GLIPR1: variants seen among roughly 807,000 people sequenced by gnomAD.
GLIPR1 encodes the protein GLI pathogenesis related 1.
A neutral mutation model predicts 30.3 loss-of-function variants in GLIPR1; 38 were observed. The observed-to-expected ratio is 1.26, with a 90% confidence interval of 0.97 to 1.65. The LOEUF is 1.65. GLIPR1 is among the 40% of genes most tolerant of loss of function. The pLI is 0.00. For synonymous variants in GLIPR1, 122 were observed against 110.6 expected (o/e 1.10, Z -0.65); for missense variants, 285 against 326.5 (o/e 0.87, Z 0.98).
At chr12:75,487,067 G>T (rs972062807) in intron 2 of GLIPR1, among the ~76,000 whole-genome samples, 1 of 152,172 alleles carries the variant, frequency 6.6e-6, no homozygotes, top group Admixed American at 6.5e-5. Flanking sequence ...TTAAAATGGG[G>T]AAGGGATCCA....
In GLIPR1 at chr12:75,502,094, G is replaced by A; in HGVS notation, c.*3116G>A. On this transcript the variant is annotated 3_prime_UTR_variant, in exon 6 of 6. Transcript: ENST00000266659. The stretch of plus-strand genomic sequence containing the variant: ...ACAATATCCTTAGGGTAAAAACAAT[G>A]GGGTCAAACTGATTTATTAATAAAA... 6.3e-6 allele frequency: 6 copies of A among 946,736 alleles called. No individual in the cohort carries two copies. Among genetic ancestry groups the A allele is most frequent in the Non-Finnish European group, 1.0e-5 (6 of 596,922 alleles). The allele number at this position is 946,736 out of a possible 1,614,324, so 58.6% of individuals were successfully genotyped here.
intron 2 of GLIPR1, among the ~76,000 whole-genome samples, chr12:75,490,199 A>T (rs934949635): frequency 7.4e-5 from 4 of 54,406 alleles, no homozygotes; most frequent in African/African-American, 2.6e-4. Context: ...CTTATTTCAC[A>T]CACACACACA....
In GLIPR1 at chr12:75,487,278, G is replaced by C. The variant is rs562794656; in HGVS notation, c.421-3128G>C. On this transcript the variant is annotated intron_variant, in intron 2 of 5. Coordinates refer to ENST00000266659, the MANE Select transcript of GLIPR1 (RefSeq NM_006851.3). Reference sequence around the variant, plus strand: ...AGTGACTGGCATTCAGTAGGTCTGGGACAGGCCCAAGATCATTTTAAACAA... The same window carrying C: ...AGTGACTGGCATTCAGTAGGTCTGGCACAGGCCCAAGATCATTTTAAACAA... 2.2e-4 allele frequency among the ~76,000 whole-genome samples: 33 copies of C among 152,320 alleles called. No homozygotes were observed. The East Asian group carries it at 5.8e-3, about 27-fold the overall frequency.
chr12:75,490,551 C>CGGGGGGGGGGGGGGGGGGGGGGGGG, intron 3 of GLIPR1, 33 bp downstream of exon 3: 1 of 117,276 alleles, frequency 8.5e-6, no homozygotes, highest in East Asian at 1.6e-4. Context: ...TTATAGGAAA[C>CGGGGGGGGGGGGGGGGGGGGGGGGG]GCCCCCCCCC....
chr12:75,500,243 T>G lies in GLIPR1; in HGVS notation c.*1265T>G, dbSNP rs193205310. ...GAACCAATTACTGGATTCAACTATA[T>G]TAAGACTATTTCCTTAAATCCTACT... is the stretch of plus-strand genomic sequence containing the variant. On this transcript the variant is annotated 3_prime_UTR_variant, in exon 6 of 6. Transcript: ENST00000266659. 4.1e-4 allele frequency: 76 copies of G among 185,568 alleles called. No homozygotes were observed. The Middle Eastern group carries it at 0.011, about 26-fold the overall frequency. The allele number at this position is 185,568 out of a possible 1,614,324, so 11.5% of individuals were successfully genotyped here.
intron 3 of GLIPR1, 74 bp downstream of exon 3, chr12:75,490,592 AC>A (rs2046318308): frequency 9.2e-6 from 5 of 541,258 alleles, no homozygotes; most frequent in South Asian, 4.0e-5. Context: ...ACAAAAAAAA[AC>A]ATTTTAGCAG....
chr12:75,502,376 C>G lies in GLIPR1; in HGVS notation c.*3398C>G. 6.2e-6 allele frequency: 1 copy of G among 162,452 alleles called. No homozygotes were observed. The highest frequency in any genetic ancestry group is 1.3e-5 in the Non-Finnish European group (1 of 75,044). The allele number at this position is 162,452 out of a possible 1,614,324, so 10.1% of individuals were successfully genotyped here. ...TAGGTTTCTGAGAAGACTGTAAAGA[C>G]CAAAGAATAATTTTAATGGAGAGGA... is the stretch of plus-strand genomic sequence containing the variant. On this transcript the variant is annotated 3_prime_UTR_variant, in exon 6 of 6. Coordinates refer to ENST00000266659, the MANE Select transcript of GLIPR1 (RefSeq NM_006851.3).
chr12:75,482,028 C>T lies in GLIPR1; in HGVS notation c.369C>T (p.Asp123=), dbSNP rs2046273723. 6.2e-7 allele frequency: 1 copy of T among 1,613,940 alleles called. No individual in the cohort carries two copies. The highest frequency in any genetic ancestry group is 8.5e-7 in the Non-Finnish European group (1 of 1,179,842). ...AITNWYDEIQ[D]YDFKTRICKK... ...CAAACTGGTATGACGAAATCCAGGACTATGACTTCAAGACTCGGATATGCA... is the reference window on the plus strand; with the variant it reads ...CAAACTGGTATGACGAAATCCAGGATTATGACTTCAAGACTCGGATATGCA... The change falls in exon 2 of 6, where the codon GAC becomes GAT. Residue 123 remains aspartate, a synonymous_variant. Transcript: ENST00000266659.
rs1414604915 is a variant in GLIPR1 at position 75,487,824 on chromosome 12, T to C, written c.421-2582T>C. The C allele has an allele frequency of 1.1e-5, 5 of 455,878 alleles. No homozygotes were observed. In the East Asian group the frequency reaches 3.5e-4, roughly 32 times the overall value. The allele number at this position is 455,878 out of a possible 1,614,324, so 28.2% of individuals were successfully genotyped here. Reference sequence around the variant, plus strand: ...GAAAATCCAGGGTGAGTCCGTAAAGTGAAGGCAAGTTTATTAAGAAAGAAA... The same window carrying C: ...GAAAATCCAGGGTGAGTCCGTAAAGCGAAGGCAAGTTTATTAAGAAAGAAA... On this transcript the variant is annotated intron_variant, in intron 2 of 5. Transcript: ENST00000266659.
chr12:75,493,670 G>A (rs2046335295), intron 3 of GLIPR1: 1 of 152,052 alleles, frequency 6.6e-6, no homozygotes, highest in African/African-American at 2.4e-5. Context: ...TCTTCCCCTG[G>A]GTCCCATAAC....
intron 3 of GLIPR1, chr12:75,494,446 C>G (rs73356182): frequency 1.8e-4 from 27 of 152,256 alleles, no homozygotes; most frequent in African/African-American, 5.5e-4. Context: ...GCAGAGAACT[C>G]AAAATATAGT....
intron 2 of GLIPR1, chr12:75,489,722 G>C (rs991972514): frequency 6.6e-6 from 1 of 152,216 alleles, no homozygotes; most frequent in African/African-American, 2.4e-5. Flanking sequence ...CATCACCCAC[G>C]TGTGAGTCAC....
Position 75,501,644 on chromosome 12 carries a change from C to A in GLIPR1, c.*2666C>A. On this transcript the variant is annotated 3_prime_UTR_variant, in exon 6 of 6. Transcript: ENST00000266659. Reference sequence around the variant, plus strand: ...AACTGATGAAAAGATACAACTGTTTCTTAAAAAGATTCAGACAAATTTATT... The same window carrying A: ...AACTGATGAAAAGATACAACTGTTTATTAAAAAGATTCAGACAAATTTATT... 1.1e-6 allele frequency: 1 copy of A among 923,400 alleles called. No individual in the cohort carries two copies. The allele number at this position is 923,400 out of a possible 1,614,324, so 57.2% of individuals were successfully genotyped here.
rs2046318225 is a variant in GLIPR1, at chr12:75,490,591, A to C, written c.533+73A>C. On this transcript the variant is annotated intron_variant, in intron 3 of 5. Coordinates refer to ENST00000266659, the MANE Select transcript of GLIPR1 (RefSeq NM_006851.3). Reference sequence around the variant, plus strand: ...GCAAAAAAAAACAACAACAAAAAAAAACATTTTAGCAGTATTCCTCTTCAT... The same window carrying C: ...GCAAAAAAAAACAACAACAAAAAAACACATTTTAGCAGTATTCCTCTTCAT... The C allele has an allele frequency of 8.4e-6, 5 of 592,018 alleles. 1 individual carries two copies. The East Asian group carries it at 1.2e-4, about 15-fold the overall frequency. The allele number at this position is 592,018 out of a possible 1,614,324, so 36.7% of individuals were successfully genotyped here.
intron 1 of GLIPR1, chr12:75,481,563 A>G (rs1475095741): frequency 2.3e-6 from 1 of 434,746 alleles, no homozygotes; most frequent in Admixed American, 3.7e-5. Context: ...GTTATGGAAT[A>G]ATGTTGTGAA....
intron 2 of GLIPR1, among the ~76,000 whole-genome samples, chr12:75,483,231 G>A (rs1392896675): frequency 6.6e-6 from 1 of 152,120 alleles, no homozygotes; most frequent in Non-Finnish European, 1.5e-5. Flanking sequence ...AGTTTCCTTG[G>A]ATTCCAACAA....
chr12:75,498,451 T>C (rs966919143), intron 4 of GLIPR1: 10 of 377,900 alleles, frequency 2.6e-5, no homozygotes, highest in Admixed American at 4.3e-5. Flanking sequence ...GATTTTCCAT[T>C]TATAGTAATG....
chr12:75,488,612 A>G (rs1488800940), intron 2 of GLIPR1, among the ~76,000 whole-genome samples: 1 of 152,158 alleles, frequency 6.6e-6, no homozygotes, highest in East Asian at 1.9e-4. Flanking sequence ...TAGTTCAAAC[A>G]CCTGATACAG....
At chr12:75,488,298 G>A (rs2046302872) in intron 2 of GLIPR1, among the ~76,000 whole-genome samples, 1 of 152,152 alleles carries the variant, frequency 6.6e-6, no homozygotes, top group Non-Finnish European at 1.5e-5. Context: ...AGCACTTTGG[G>A]AGGCCGAGGC....
Sources: gnomAD v4.1 joint callset for allele counts (sites outside exome capture counted in the v4.1 genomes callset) on GRCh38, gnomAD v4.1.1 for gene constraint, MANE v1.5 for transcripts, NCBI Gene and HGNC (gene_info 2026-07-23, HGNC 2026-07-21) for gene names.